Variants in SUMF1 observed in about 807,000 individuals in gnomAD.
SUMF1 encodes the protein sulfatase modifying factor 1.
SUMF1 carries 48 observed loss-of-function variants against 47.6 expected under a neutral mutation model. The ratio of observed to expected loss-of-function variants is 1.01; its 90% CI spans 0.80 to 1.28. SUMF1 has a LOEUF of 1.28. Ranked by LOEUF, SUMF1 falls within the 50% of genes most tolerant of loss-of-function variation. The probability of loss-of-function intolerance (pLI) is 0.00; values close to 1 mark genes in which losing one functional copy is unlikely to be tolerated. For synonymous variants in SUMF1, 230 were observed against 192.1 expected, an observed-to-expected ratio of 1.20 and a Z score of -1.63; for missense variants, 571 against 485.4, an observed-to-expected ratio of 1.18 and a Z score of -1.66.
intron 8 of SUMF1, among the ~76,000 whole-genome samples, chr3:4,229,840 C>G (rs183577190): frequency 7.1e-4 from 108 of 151,906 alleles, no homozygotes; most frequent in African/African-American, 2.5e-3. Context: ...ATAGCAAGAC[C>G]CTATCTCTAC....
At chr3:4,403,028 G>A (rs1476471560) in intron 7 of SUMF1, among the ~76,000 whole-genome samples, 5 of 152,188 alleles carry the variant, frequency 3.3e-5, no homozygotes, top group Admixed American at 1.3e-4. Flanking sequence ...AGGCGTGCCT[G>A]TAGTACCAGT....
chr3:4,428,466 A>T (rs1358321440), intron 3 of SUMF1, among the ~76,000 whole-genome samples: 1 of 152,054 alleles, frequency 6.6e-6, no homozygotes, highest in Non-Finnish European at 1.5e-5. Context: ...CAATCCTCCC[A>T]CCTCAGCCTT....
chr3:4,173,248 G>A (rs1694873480), intron 8 of SUMF1, among the ~76,000 whole-genome samples: 1 of 152,134 alleles, frequency 6.6e-6, no homozygotes, highest in Admixed American at 6.5e-5. Context: ...CTACCACACT[G>A]TTTTGATTAC....
intron 3 of SUMF1, among the ~76,000 whole-genome samples, chr3:4,443,052 G>A (rs1702658270): frequency 6.6e-6 from 1 of 151,976 alleles, no homozygotes; most frequent in African/African-American, 2.4e-5. Flanking sequence ...AAGGCAGATG[G>A]ATCACCTGAA....
At chr3:4,443,902 G>A (rs545198462) in intron 3 of SUMF1, among the ~76,000 whole-genome samples, 1 of 152,104 alleles carries the variant, frequency 6.6e-6, no homozygotes, top group East Asian at 1.9e-4. Context: ...ACACAAAATA[G>A]TAAAAAGTAT....
intron 7 of SUMF1, among the ~76,000 whole-genome samples, chr3:4,377,212 A>T (rs1422339638): frequency 6.6e-6 from 1 of 152,224 alleles, no homozygotes; most frequent in East Asian, 1.9e-4. Flanking sequence ...CTTTATTAAG[A>T]TATAATTAAT....
At chr3:4,442,919 TG>T (rs1476678586) in intron 3 of SUMF1, among the ~76,000 whole-genome samples, 1 of 149,776 alleles carries the variant, frequency 6.7e-6, no homozygotes, top group Admixed American at 6.7e-5. Context: ...AACATCCTTA[TG>T]AATAACAAAT....
intron 2 of SUMF1, among the ~76,000 whole-genome samples, chr3:4,450,084 G>C (rs1702918161): frequency 1.3e-5 from 2 of 152,140 alleles, no homozygotes; most frequent in African/African-American, 4.8e-5. Context: ...CTCAGGCTTT[G>C]TGCAGTTGAG....
chr3:4,380,322 C>A (rs551499392), intron 7 of SUMF1, among the ~76,000 whole-genome samples: 2 of 152,266 alleles, frequency 1.3e-5, no homozygotes, highest in East Asian at 3.9e-4. Flanking sequence ...AACGCAGGAA[C>A]AGAAAACCAA....
At chr3:4,312,186 A>G (rs965002204) in intron 8 of SUMF1, among the ~76,000 whole-genome samples, 2 of 152,160 alleles carry the variant, frequency 1.3e-5, no homozygotes, top group African/African-American at 4.8e-5. Context: ...CTTGTCATCT[A>G]TGACTTTCTT....
intron 8 of SUMF1, among the ~76,000 whole-genome samples, chr3:4,291,029 A>G (rs754704012): frequency 2.0e-4 from 30 of 152,210 alleles, no homozygotes; most frequent in Non-Finnish European, 4.3e-4. Flanking sequence ...AGGTAGTGAT[A>G]CTGCCTACCT....
At chr3:4,038,307 C>T (rs949769751) in intron 9 of SUMF1, among the ~76,000 whole-genome samples, 5 of 152,086 alleles carry the variant, frequency 3.3e-5, no homozygotes, top group African/African-American at 1.2e-4. Flanking sequence ...GGCAGGGGTT[C>T]CCTGCTTGGT....
At chr3:4,437,916 G>A (rs561431726) in intron 3 of SUMF1, among the ~76,000 whole-genome samples, 1 of 151,884 alleles carries the variant, frequency 6.6e-6, no homozygotes, top group African/African-American at 2.4e-5. Context: ...TCCAGCCTGG[G>A]CAACAGGGCA....
chr3:4,300,637 G>T (rs373948931), intron 8 of SUMF1, among the ~76,000 whole-genome samples: 5 of 152,140 alleles, frequency 3.3e-5, no homozygotes, highest in Admixed American at 3.3e-4. Context: ...TCTCCCTTCT[G>T]GGATAACTAA....
chr3:4,170,519 A>G (rs191955634), intron 8 of SUMF1, among the ~76,000 whole-genome samples: 2 of 152,292 alleles, frequency 1.3e-5, no homozygotes, highest in Admixed American at 6.5e-5. Context: ...AGTTAATTTT[A>G]AAATTGCATT....
chr3:4,272,412 C>T (rs1417521820), intron 8 of SUMF1, among the ~76,000 whole-genome samples: 2 of 152,190 alleles, frequency 1.3e-5, no homozygotes, highest in East Asian at 1.9e-4. Flanking sequence ...TAGGCCTTCA[C>T]ATCCTCACAT....
intron 8 of SUMF1, among the ~76,000 whole-genome samples, chr3:4,373,659 C>T (rs1700235982): frequency 1.3e-5 from 1 of 74,692 alleles, no homozygotes. Context: ...TACATAAACT[C>T]TTGCAAAAAA....
At chr3:4,444,580 T>C (rs187029793) in intron 3 of SUMF1, among the ~76,000 whole-genome samples, 8 of 152,314 alleles carry the variant, frequency 5.3e-5, no homozygotes, top group Admixed American at 2.6e-4. Flanking sequence ...ATTAGTATTA[T>C]TGAGACCACT....
chr3:4,079,899 T>C (rs1473614863), intron 8 of SUMF1, among the ~76,000 whole-genome samples: 1 of 151,678 alleles, frequency 6.6e-6, no homozygotes, highest in East Asian at 1.9e-4. Context: ...TATTGTCTCC[T>C]TCAAAACTAA....
Sources: gnomAD v4.1 joint callset for allele counts (sites outside exome capture counted in the v4.1 genomes callset) on GRCh38, gnomAD v4.1.1 for gene constraint, MANE v1.5 for transcripts, NCBI Gene and HGNC (gene_info 2026-07-23, HGNC 2026-07-21) for gene names.